The following TRAPPC9 variants were observed in gnomAD, a reference collection of about 807,000 sequenced individuals.
TRAPPC9 encodes the protein trafficking protein particle complex subunit 9, also known as IKK2 binding protein.
In TRAPPC9, 83 loss-of-function variants were observed where a neutral mutation model predicts 124.0. That is an observed-to-expected ratio of 0.67 (90% CI 0.56 to 0.80). TRAPPC9 has a LOEUF of 0.80. Ranked by LOEUF, TRAPPC9 falls within the 30% of genes least tolerant of loss-of-function variation. The pLI, the probability that TRAPPC9 is intolerant of heterozygous loss-of-function variation, is 0.00. For missense variants in TRAPPC9, 1,302 were observed against 1,508.3 expected (o/e 0.86, Z 2.27); for synonymous variants, 638 against 617.5 (o/e 1.03, Z -0.49).
In TRAPPC9 at chr8:139,893,120, G is replaced by A. The variant is rs115034623; in HGVS notation, c.2965-7151C>T. 5.8e-3 allele frequency among the ~76,000 whole-genome samples: 885 copies of A among 152,328 alleles called. 5 individuals are homozygous for A. Among genetic ancestry groups the A allele is most frequent in the African/African-American group, 0.012 (504 of 41,570 alleles). On this transcript the variant is annotated intron_variant, in intron 20 of 22. Transcript: ENST00000438773. Reference sequence around the variant, plus strand: ...CAAACCAAGACGTGCCGTGTTTCTCGTAGCCCTGGTGAGGGGCTCCTTCCT... The same window carrying A: ...CAAACCAAGACGTGCCGTGTTTCTCATAGCCCTGGTGAGGGGCTCCTTCCT...
intron 16 of TRAPPC9, among the ~76,000 whole-genome samples, chr8:140,227,318 A>G (rs991281710): frequency 1.3e-5 from 2 of 152,202 alleles, no homozygotes; most frequent in African/African-American, 4.8e-5. Context: ...GCTATCACAA[A>G]TAGAACAGAG....
intron 16 of TRAPPC9, among the ~76,000 whole-genome samples, chr8:140,249,898 G>A (rs371475359): frequency 3.6e-4 from 55 of 152,182 alleles, no homozygotes; most frequent in African/African-American, 1.2e-4. Context: ...GTGAGCCACC[G>A]TGCCTGGCCT....
chr8:139,922,081 C>T (rs1832542071), intron 19 of TRAPPC9, among the ~76,000 whole-genome samples: 1 of 152,220 alleles, frequency 6.6e-6, no homozygotes, highest in Admixed American at 6.5e-5. Flanking sequence ...AAGTAAAGAA[C>T]GTTAACTATA....
chr8:140,411,869 A>G (rs897426552), intron 5 of TRAPPC9, among the ~76,000 whole-genome samples: 3 of 152,228 alleles, frequency 2.0e-5, no homozygotes, highest in Non-Finnish European at 4.4e-5. Flanking sequence ...GAGAAAAGAA[A>G]AAAAAAGCTC....
intron 17 of TRAPPC9, among the ~76,000 whole-genome samples, chr8:140,220,466 CACT>C (rs754087528): frequency 9.5e-4 from 144 of 152,322 alleles, no homozygotes; most frequent in Middle Eastern, 3.4e-3. Context: ...AGGAATGGGG[CACT>C]CCCCGCTACC....
intron 17 of TRAPPC9, among the ~76,000 whole-genome samples, chr8:140,177,925 T>C (rs1304547675): frequency 6.6e-6 from 1 of 152,136 alleles, no homozygotes; most frequent in African/African-American, 2.4e-5. Context: ...ATAAATGATA[T>C]GGTATTCTTA....
At chr8:140,272,678 CT>C (rs1252248644) in intron 15 of TRAPPC9, among the ~76,000 whole-genome samples, 1 of 152,066 alleles carries the variant, frequency 6.6e-6, no homozygotes, top group East Asian at 1.9e-4. Context: ...CCTGAGGAAG[CT>C]TCCATTCATG....
At chr8:140,036,737 G>C (rs993333395) in intron 17 of TRAPPC9, among the ~76,000 whole-genome samples, 3 of 152,222 alleles carry the variant, frequency 2.0e-5, no homozygotes, top group Admixed American at 6.5e-5. Flanking sequence ...TCCAGAGAGA[G>C]AGCAGGAGCC....
At chr8:140,343,645 A>C (rs1325414427) in intron 9 of TRAPPC9, among the ~76,000 whole-genome samples, 1 of 152,136 alleles carries the variant, frequency 6.6e-6, no homozygotes, top group Non-Finnish European at 1.5e-5. Flanking sequence ...CCCTTAGTTA[A>C]AAATACCCCA....
chr8:140,457,169 CCA>C (rs2071703681), intron 1 of TRAPPC9, among the ~76,000 whole-genome samples: 1 of 152,222 alleles, frequency 6.6e-6, no homozygotes, highest in Non-Finnish European at 1.5e-5. Flanking sequence ...GTGCTGGGCC[CCA>C]GGCCCCAGCC....
At chr8:140,419,544 T>C (rs1241900278) in intron 5 of TRAPPC9, among the ~76,000 whole-genome samples, 1 of 150,588 alleles carries the variant, frequency 6.6e-6, no homozygotes, top group Non-Finnish European at 1.5e-5. Context: ...TCATGCTTCA[T>C]GATAAAAGAC....
intron 17 of TRAPPC9, among the ~76,000 whole-genome samples, chr8:140,075,951 C>G (rs887072606): frequency 6.6e-6 from 1 of 152,186 alleles, no homozygotes; most frequent in Non-Finnish European, 1.5e-5. Context: ...CTTATGATAG[C>G]CCACTTCTAA....
intron 21 of TRAPPC9, among the ~76,000 whole-genome samples, chr8:139,736,997 C>T (rs938328514): frequency 6.6e-6 from 1 of 152,210 alleles, no homozygotes; most frequent in African/African-American, 2.4e-5. Flanking sequence ...CCAACCAGGA[C>T]GGACCTGGGA....
chr8:139,806,190 G>A (rs952821731), intron 21 of TRAPPC9: 1 of 152,290 alleles, frequency 6.6e-6, no homozygotes, highest in Non-Finnish European at 1.5e-5. Flanking sequence ...AGGGCTCCCG[G>A]AGATCAAATG....
At chr8:139,865,056 T>A (rs571421113) in intron 21 of TRAPPC9, among the ~76,000 whole-genome samples, 1 of 152,266 alleles carries the variant, frequency 6.6e-6, no homozygotes, top group East Asian at 1.9e-4. Context: ...AAGCCAGCGG[T>A]CTACATTCTC....
rs1482005436 is a variant in TRAPPC9 at position 140,418,767 on chromosome 8, TAGATAGAC to T, written c.886+7840_886+7847del. 3.5e-3 allele frequency among the ~76,000 whole-genome samples: 503 copies of T among 143,360 alleles called. 1 individual carries two copies. The highest frequency in any genetic ancestry group is 4.3e-3 in the African/African-American group (170 of 39,884). The allele number at this position is 143,360 out of a possible 152,430, so 94.0% of individuals were successfully genotyped here. On this transcript the variant is annotated intron_variant, in intron 5 of 22. Transcript: ENST00000438773. ...ATAGATAGATAGATAGATAGATAGA[TAGATAGAC>T]AGACAGACAGACAGATGCAAATATC...
At chr8:140,407,768 C>G (rs2132442804) in intron 5 of TRAPPC9, among the ~76,000 whole-genome samples, 1 of 152,212 alleles carries the variant, frequency 6.6e-6, no homozygotes, top group South Asian at 2.1e-4. Context: ...ATGACAGGCA[C>G]CCACCAGCAA....
chr8:140,076,904 A>G (rs1843540561), intron 17 of TRAPPC9, among the ~76,000 whole-genome samples: 2 of 152,228 alleles, frequency 1.3e-5, no homozygotes, highest in Admixed American at 6.5e-5. Context: ...AATAGTTCAC[A>G]TCTGTAATCC....
At chr8:139,831,763 G>A (rs1271332600) in intron 21 of TRAPPC9, among the ~76,000 whole-genome samples, 2 of 152,332 alleles carry the variant, frequency 1.3e-5, no homozygotes, top group Middle Eastern at 3.4e-3. Context: ...CAGTGAAAGT[G>A]TTACTCTCCT....
Sources: allele counts gnomAD v4.1 joint callset (sites outside exome capture counted in the v4.1 genomes callset), GRCh38; gene constraint gnomAD v4.1.1; transcripts MANE v1.5; gene names NCBI Gene and HGNC (gene_info 2026-07-23, HGNC 2026-07-21).